RPSA2: variants seen among roughly 807,000 people sequenced by gnomAD.
RPSA2 encodes ribosomal protein SA 2, also known as small ribosomal subunit protein uS2B.
the RPSA2 span, chr19:23,831,969 C>A: frequency 5.3e-6 from 2 of 377,678 alleles, no homozygotes; most frequent in Non-Finnish European, 1.1e-5. Context: ...AGAAGTCCTA[C>A]AAATGTAAAA....
At chr19:23,828,772 T>C in the RPSA2 span, among the ~76,000 whole-genome samples, 1 of 152,038 alleles carries the variant, frequency 6.6e-6, no homozygotes, top group Admixed American at 6.6e-5. Flanking sequence ...AATAATTGTT[T>C]TATACTGCCT....
chr19:23,822,906 AT>A, the RPSA2 span, among the ~76,000 whole-genome samples: 6 of 151,298 alleles, frequency 4.0e-5, no homozygotes, highest in Non-Finnish European at 7.4e-5. Flanking sequence ...AGCAAAGCTG[AT>A]TTTTTTTTGG....
the RPSA2 span, among the ~76,000 whole-genome samples, chr19:23,791,452 A>G: frequency 2.0e-5 from 3 of 152,168 alleles, no homozygotes; most frequent in African/African-American, 2.4e-5. Flanking sequence ...ATTTTTTAGA[A>G]GTACAAATCC....
chr19:23,851,158 G>T, the RPSA2 span, among the ~76,000 whole-genome samples: 3,531 of 152,256 alleles, frequency 0.023, 63 homozygotes, highest in Non-Finnish European at 0.036. Flanking sequence ...ATGTACATAT[G>T]AAAATCTTGC....
the RPSA2 span, among the ~76,000 whole-genome samples, chr19:23,781,915 C>G: frequency 0.34 from 51,670 of 152,090 alleles, 9,071 homozygotes; most frequent in Non-Finnish European, 0.38. Context: ...TAATGTGATT[C>G]TATTCTGCCT....
chr19:23,814,497 T>A, the RPSA2 span, among the ~76,000 whole-genome samples: 1 of 152,270 alleles, frequency 6.6e-6, no homozygotes, highest in South Asian at 2.1e-4. Context: ...TATTGCTGCT[T>A]TTAATATGTT....
the RPSA2 span, among the ~76,000 whole-genome samples, chr19:23,853,572 C>A: frequency 6.6e-6 from 1 of 152,212 alleles, no homozygotes; most frequent in Admixed American, 6.5e-5. Flanking sequence ...CGTAAACCAT[C>A]CCTGTCTTCT....
At chr19:23,866,903 G>A in the RPSA2 span, among the ~76,000 whole-genome samples, 5 of 152,134 alleles carry the variant, frequency 3.3e-5, no homozygotes, top group African/African-American at 4.8e-5. Context: ...AACTTGCAAG[G>A]CATCACTGTA....
chr19:23,858,668 C>T, the RPSA2 span, among the ~76,000 whole-genome samples: 2 of 152,128 alleles, frequency 1.3e-5, no homozygotes, highest in South Asian at 2.1e-4. Context: ...TGAATAAATG[C>T]CAGCAGCTGT....
chr19:23,856,016 T>G, the RPSA2 span, among the ~76,000 whole-genome samples: 1 of 151,998 alleles, frequency 6.6e-6, no homozygotes, highest in Admixed American at 6.6e-5. Flanking sequence ...GGGGGTGACA[T>G]TAAGCCAAAG....
the RPSA2 span, among the ~76,000 whole-genome samples, chr19:23,814,239 C>A: frequency 6.7e-6 from 1 of 149,252 alleles, no homozygotes. Flanking sequence ...AAGAAGTTAT[C>A]TTCTATGTCT....
the RPSA2 span, among the ~76,000 whole-genome samples, chr19:23,786,569 A>G: frequency 6.6e-6 from 1 of 152,208 alleles, no homozygotes; most frequent in Non-Finnish European, 1.5e-5. Context: ...ATCACATTAG[A>G]CATTGTTACA....
the RPSA2 span, chr19:23,790,635 TAGCTGCAGATGG>T: frequency 3.4e-6 from 1 of 293,080 alleles, no homozygotes; most frequent in South Asian, 4.5e-5. Context: ...ACTGTGTCTC[TAGCTGCAGATGG>T]AGCTCCAGGT....
chr19:23,838,927 T>C, the RPSA2 span, among the ~76,000 whole-genome samples: 1 of 152,160 alleles, frequency 6.6e-6, no homozygotes, highest in South Asian at 2.1e-4. Flanking sequence ...GTATTTTTTG[T>C]TTATTTGTTT....
At chr19:23,765,319 A>G in the RPSA2 span, among the ~76,000 whole-genome samples, 1 of 152,322 alleles carries the variant, frequency 6.6e-6, no homozygotes, top group South Asian at 2.1e-4. Context: ...GAATTATTCT[A>G]TTATAAAGGC....
At chr19:23,831,412 A>G in the RPSA2 span, among the ~76,000 whole-genome samples, 1 of 152,038 alleles carries the variant, frequency 6.6e-6, no homozygotes, top group African/African-American at 2.4e-5. Flanking sequence ...AATTTTTTAC[A>G]GATGTATTTG....
chr19:23,837,334 G>T, the RPSA2 span, among the ~76,000 whole-genome samples: 1 of 150,830 alleles, frequency 6.6e-6, no homozygotes, highest in Non-Finnish European at 1.5e-5. Context: ...TTCCATTGGT[G>T]TATGTGCCTA....
chr19:23,790,899 GC>G, the RPSA2 span: 2 of 474,460 alleles, frequency 4.2e-6, no homozygotes, highest in Non-Finnish European at 3.8e-6. Flanking sequence ...AGTTCTCCTT[GC>G]CCAGGTTGGC....
the RPSA2 span, among the ~76,000 whole-genome samples, chr19:23,793,203 T>G: frequency 6.9e-5 from 3 of 43,198 alleles, no homozygotes; most frequent in Non-Finnish European, 8.9e-5. Context: ...TGGAAAGAGG[T>G]GGCTTTCTTT....
Sources: allele counts gnomAD v4.1 joint callset (sites outside exome capture counted in the v4.1 genomes callset), GRCh38; gene constraint gnomAD v4.1.1; transcripts MANE v1.5; gene names NCBI Gene and HGNC (gene_info 2026-07-23, HGNC 2026-07-21).